Variants in KIZ observed in about 807,000 individuals in gnomAD.
KIZ encodes the protein centrosomal protein kizuna.
Under a neutral mutation model 79.6 loss-of-function variants are expected in KIZ, and 68 were observed. That is an observed-to-expected ratio of 0.85 (90% confidence interval 0.70 to 1.05). The LOEUF is 1.05. Ranked by LOEUF, KIZ falls within the 50% of genes least tolerant of loss-of-function variation. The pLI, the probability that KIZ is intolerant of heterozygous loss-of-function variation, is 0.00. For missense variants in KIZ, 797 were observed against 800.4 expected (o/e 1.00, Z 0.05); for synonymous variants, 280 against 281.8 (o/e 0.99, Z 0.06).
At chr20:21,227,085 A>G (rs1184054469) in intron 9 of KIZ, among the ~76,000 whole-genome samples, 1 of 152,244 alleles carries the variant, frequency 6.6e-6, no homozygotes, top group African/African-American at 2.4e-5. Flanking sequence ...TGTTGCTAGA[A>G]GTGATCTCAC....
At chr20:21,204,644 A>G (rs1171262103) in intron 6 of KIZ, among the ~76,000 whole-genome samples, 1 of 130,552 alleles carries the variant, frequency 7.7e-6, no homozygotes, top group Non-Finnish European at 1.7e-5. Flanking sequence ...GAGCTTCCTT[A>G]CTTTCTGGTA....
chr20:21,176,348 G>A (rs937930054), intron 6 of KIZ, among the ~76,000 whole-genome samples: 2 of 152,058 alleles, frequency 1.3e-5, no homozygotes, highest in African/African-American at 4.8e-5. Context: ...CCGGAAAGCT[G>A]AAGACAAGGG....
chr20:21,232,654 A>G, intron 10 of KIZ, 80 bp from the exon 11 acceptor site: 1 of 738,370 alleles, frequency 1.4e-6, no homozygotes, highest in Non-Finnish European at 2.4e-6. Context: ...CACCAAACTT[A>G]CTGTGAGGCC....
At chr20:21,160,878 G>C (rs2033622126) in intron 4 of KIZ, 1 of 152,298 alleles carries the variant, frequency 6.6e-6, no homozygotes. Context: ...CTGTCTGAGA[G>C]AAAGCAGTTC....
At chr20:21,140,681 A>G (rs1427011696) in intron 3 of KIZ, among the ~76,000 whole-genome samples, 2 of 152,162 alleles carry the variant, frequency 1.3e-5, no homozygotes, top group Non-Finnish European at 2.9e-5. Flanking sequence ...ACACAGTTCA[A>G]AAATATAAAT....
Position 21,146,831 on chromosome 20 carries a change from T to TA in KIZ, c.405+1187dup, listed in dbSNP as rs979711608. On this transcript the variant is annotated intron_variant, in intron 4 of 12. Transcript: ENST00000619189. ...TTTCCTTCCTCATAGATTAAAAAAT[T>TA]AAAAAAAAAACCCTAGAACTTAGAG... Among the ~76,000 whole-genome samples, 539 of 147,978 alleles carry TA rather than the reference T, an allele frequency of 3.6e-3. 5 individuals are homozygous for TA. The highest frequency in any genetic ancestry group is 0.012 in the African/African-American group (480 of 40,442).
chr20:21,164,775 T>A (rs1293477282), intron 6 of KIZ, among the ~76,000 whole-genome samples: 2 of 152,068 alleles, frequency 1.3e-5, no homozygotes, highest in Non-Finnish European at 2.9e-5. Context: ...TGGCATATAG[T>A]TTTCCAGTAT....
At chr20:21,165,341 G>A (rs1415050922) in intron 6 of KIZ, among the ~76,000 whole-genome samples, 5 of 152,038 alleles carry the variant, frequency 3.3e-5, no homozygotes, top group Admixed American at 6.6e-5. Flanking sequence ...GAAGGAATGC[G>A]GAGCAGAGAA....
rs938939714 is a variant in KIZ at position 21,232,798 on chromosome 20, T to G, written c.1848T>G (p.Ser616Arg). ...CTAACAAAATTGCTTCGGAAGCTAG[T>G]TTTTCATCTAGTGAAGGAAGTCCTT... The part of the protein sequence containing the change: ...KTANKIASEA[S>R]FSSSEGSPLS... The change falls in exon 11 of 13, where the codon AGT (serine) becomes AGG (arginine). Residue 616 changes from serine to arginine, a missense_variant. Transcript: ENST00000619189. 1.9e-6 allele frequency: 3 copies of G among 1,579,368 alleles called. No individual in the cohort carries two copies. Among genetic ancestry groups the G allele is most frequent in the African/African-American group, 2.7e-5 (2 of 74,356 alleles).
In KIZ at chr20:21,165,941, G is replaced by C. The variant is rs547310170; in HGVS notation, c.1352+2782G>C. On this transcript the variant is annotated intron_variant, in intron 6 of 12. Transcript: ENST00000619189. ...CTTACAAATAGCTGGGACTACAGGT[G>C]CCCGCCATCAGGCCTGGCTAATTTT... is the stretch of plus-strand genomic sequence containing the variant. Among the ~76,000 whole-genome samples, 305 of 152,162 alleles carry C rather than the reference G, an allele frequency of 2.0e-3. 1 individual carries two copies. Among genetic ancestry groups the C allele is most frequent in the African/African-American group, 7.0e-3 (289 of 41,506 alleles).
At chr20:21,156,656 A>G (rs1324790154) in intron 4 of KIZ, among the ~76,000 whole-genome samples, 1 of 152,230 alleles carries the variant, frequency 6.6e-6, no homozygotes, top group Non-Finnish European at 1.5e-5. Context: ...AAACAAGATA[A>G]TATCAATGTT....
chr20:21,156,698 C>T (rs890954201), intron 4 of KIZ, among the ~76,000 whole-genome samples: 9 of 152,072 alleles, frequency 5.9e-5, no homozygotes, highest in Admixed American at 1.3e-4. Context: ...GAACTGTGCT[C>T]AAGAAAGAGC....
At chr20:21,178,601 G>A (rs1252100152) in intron 6 of KIZ, among the ~76,000 whole-genome samples, 2 of 152,066 alleles carry the variant, frequency 1.3e-5, no homozygotes, top group African/African-American at 2.4e-5. Context: ...AGGGCTTTCA[G>A]TACTGTATTA....
At chr20:21,182,847 T>G (rs1427571153) in intron 6 of KIZ, among the ~76,000 whole-genome samples, 2 of 151,866 alleles carry the variant, frequency 1.3e-5, no homozygotes, top group Non-Finnish European at 2.9e-5. Context: ...TTTAGACTTC[T>G]TTTCTCCTCT....
chr20:21,157,326 G>T (rs2033432894), intron 4 of KIZ, among the ~76,000 whole-genome samples: 1 of 152,014 alleles, frequency 6.6e-6, no homozygotes, highest in South Asian at 2.1e-4. Context: ...TTTGTTACAG[G>T]CCACTAACAT....
chr20:21,204,569 C>G (rs2035736534), intron 6 of KIZ, among the ~76,000 whole-genome samples: 1 of 152,058 alleles, frequency 6.6e-6, no homozygotes, highest in East Asian at 1.9e-4. Flanking sequence ...ATTGTCCCAT[C>G]TTTGACAGTG....
rs781453723 is a variant in KIZ, at chr20:21,215,562, T to A, written c.1613-21T>A. 1.1e-4 allele frequency: 161 copies of A among 1,481,892 alleles called. 1 individual carries two copies. Among genetic ancestry groups the A allele is most frequent in the Non-Finnish European group, 1.4e-4 (154 of 1,071,276 alleles). 91.8% of individuals were successfully genotyped at this position (1,481,892 alleles called of 1,614,324 possible). On this transcript the variant is annotated intron_variant, in intron 8 of 12. Coordinates refer to ENST00000619189, the MANE Select transcript of KIZ (RefSeq NM_018474.6). ...CCTTAACTTTGAAATACTTTTTTTT[T>A]ATTATGCATTCAATTTTTAGAAGTT... is the stretch of plus-strand genomic sequence containing the variant.
intron 6 of KIZ, among the ~76,000 whole-genome samples, chr20:21,193,076 G>A (rs1003814370): frequency 2.0e-5 from 3 of 147,722 alleles, no homozygotes; most frequent in Non-Finnish European, 4.4e-5. Flanking sequence ...GTGGGGGAGG[G>A]AAGGTCAGAG....
chr20:21,228,076 G>A (rs1250017014), intron 9 of KIZ, among the ~76,000 whole-genome samples: 1 of 152,144 alleles, frequency 6.6e-6, no homozygotes, highest in Non-Finnish European at 1.5e-5. Flanking sequence ...TGTGATGGTA[G>A]TTTTAATCCA....
Sources: allele counts gnomAD v4.1 joint callset (sites outside exome capture counted in the v4.1 genomes callset), GRCh38; gene constraint gnomAD v4.1.1; transcripts MANE v1.5; gene names NCBI Gene and HGNC (gene_info 2026-07-23, HGNC 2026-07-21).